SLC9A9: variants seen among roughly 807,000 people sequenced by gnomAD.
SLC9A9 encodes the protein solute carrier family 9 member A9.
In SLC9A9, 62 loss-of-function variants were observed where a neutral mutation model predicts 77.8. The observed-to-expected ratio is 0.80, with a 90% CI of 0.65 to 0.98. The LOEUF (loss-of-function observed/expected upper bound fraction) is 0.98. SLC9A9 is among the 50% of genes least tolerant of loss of function. The pLI, the probability that SLC9A9 is intolerant of heterozygous loss-of-function variation, is 0.00. For missense variants in SLC9A9, 775 were observed against 774.9 expected, an observed-to-expected ratio of 1.00 and a Z score of 0.00; for synonymous variants, 320 against 283.5, an observed-to-expected ratio of 1.13 and a Z score of -1.29.
At chr3:143,698,689 C>A (rs1410205809) in intron 4 of SLC9A9, among the ~76,000 whole-genome samples, 3 of 151,550 alleles carry the variant, frequency 2.0e-5, no homozygotes, top group Non-Finnish European at 4.4e-5. Flanking sequence ...AAGGAATCCT[C>A]CTCCTCCTCC....
At chr3:143,300,377 G>T (rs1242919495) in intron 14 of SLC9A9, among the ~76,000 whole-genome samples, 1 of 152,176 alleles carries the variant, frequency 6.6e-6, no homozygotes, top group African/African-American at 2.4e-5. Context: ...TTGCCCTCCT[G>T]CCCATTCTGC....
intron 4 of SLC9A9, among the ~76,000 whole-genome samples, chr3:143,766,113 T>C (rs903136970): frequency 5.3e-5 from 8 of 152,200 alleles, no homozygotes; most frequent in African/African-American, 1.9e-4. Flanking sequence ...TGTCTTAAGC[T>C]ACTGAGTTCT....
chr3:143,331,864 T>G (rs2031782106), intron 14 of SLC9A9, among the ~76,000 whole-genome samples: 1 of 152,054 alleles, frequency 6.6e-6, no homozygotes, highest in South Asian at 2.1e-4. Flanking sequence ...CTCTGCAGCT[T>G]AGAGGTGGAG....
intron 7 of SLC9A9, 112 bp from the exon 8 acceptor site, chr3:143,574,305 C>T: frequency 1.1e-6 from 1 of 882,214 alleles, no homozygotes. Context: ...AGTAAAAGAA[C>T]TGATATTCAG....
Position 143,392,889 on chromosome 3 carries a change from A to G in SLC9A9, c.1470-10775T>C, listed in dbSNP as rs553167256. Among the ~76,000 whole-genome samples the G allele has an allele frequency of 5.3e-5, 8 of 152,364 alleles. No individual in the cohort carries two copies. The East Asian group carries it at 1.5e-3, about 29-fold the overall frequency. ...TAATGGTAAAGGGATCAATTCAACA[A>G]CAAGAGCTAACTATCCTAAATATGC... On this transcript the variant is annotated intron_variant, in intron 12 of 15. Coordinates refer to ENST00000316549, the MANE Select transcript of SLC9A9 (RefSeq NM_173653.4).
At chr3:143,565,334 A>G (rs1331392480) in intron 8 of SLC9A9, among the ~76,000 whole-genome samples, 1 of 152,158 alleles carries the variant, frequency 6.6e-6, no homozygotes, top group Non-Finnish European at 1.5e-5. Flanking sequence ...TCTTCTGACA[A>G]TTTTCTACAT....
chr3:143,442,501 C>T (rs1005525527), intron 12 of SLC9A9, among the ~76,000 whole-genome samples: 2 of 152,078 alleles, frequency 1.3e-5, no homozygotes, highest in Non-Finnish European at 2.9e-5. Flanking sequence ...GCGGGTAGAT[C>T]ACCTGAGGTA....
intron 13 of SLC9A9, among the ~76,000 whole-genome samples, chr3:143,366,335 A>G: frequency 6.6e-6 from 1 of 152,188 alleles, no homozygotes; most frequent in East Asian, 1.9e-4. Context: ...GCACATAGGG[A>G]TTTTAGAGAG....
rs556150355 is a variant in SLC9A9 at position 143,369,903 on chromosome 3, T to C, written c.1525-6340A>G. Among the ~76,000 whole-genome samples, 8 of 152,304 alleles carry C rather than the reference T, an allele frequency of 5.3e-5. No homozygotes were observed. The South Asian group carries it at 8.3e-4, about 16-fold the overall frequency. ...TCAAGAAGCTCTGTGGAGAGATCCA[T>C]GTGGAAAGGAATTAAGTATGCCTGC... On this transcript the variant is annotated intron_variant, in intron 13 of 15. Transcript: ENST00000316549.
intron 12 of SLC9A9, among the ~76,000 whole-genome samples, chr3:143,405,997 G>A (rs1204831705): frequency 6.6e-6 from 1 of 152,186 alleles, no homozygotes; most frequent in East Asian, 1.9e-4. Flanking sequence ...TGTCTGCCAA[G>A]CTCTGCACAG....
intron 6 of SLC9A9, chr3:143,626,701 G>T (rs556238389): frequency 6.6e-6 from 1 of 151,912 alleles, no homozygotes; most frequent in African/African-American, 2.4e-5. Context: ...CACCAACATG[G>T]CACATGTATA....
At chr3:143,609,974 A>C (rs1002824741) in intron 6 of SLC9A9, among the ~76,000 whole-genome samples, 1 of 152,280 alleles carries the variant, frequency 6.6e-6, no homozygotes, top group Non-Finnish European at 1.5e-5. Context: ...TTATATTCAA[A>C]ATTCCCATAG....
chr3:143,596,298 GTA>G (rs1491579024), intron 6 of SLC9A9, among the ~76,000 whole-genome samples: 1 of 152,180 alleles, frequency 6.6e-6, no homozygotes, highest in African/African-American at 2.4e-5. Context: ...GTGTGTGTGT[GTA>G]TGTGTGCGTG....
At chr3:143,625,015 T>C (rs1356743500) in intron 6 of SLC9A9, among the ~76,000 whole-genome samples, 6 of 152,252 alleles carry the variant, frequency 3.9e-5, no homozygotes, top group East Asian at 3.9e-4. Context: ...CCATTCACAA[T>C]TGCTTCAAAG....
At chr3:143,351,001 G>A (rs1245458022) in intron 14 of SLC9A9, among the ~76,000 whole-genome samples, 2 of 152,164 alleles carry the variant, frequency 1.3e-5, no homozygotes, top group Non-Finnish European at 2.9e-5. Flanking sequence ...ACAGCTCCCT[G>A]CTCAACTTGC....
rs1357907064 is a variant in SLC9A9 at position 143,390,611 on chromosome 3, G to GTGGGTGCAGGACAC, written c.1470-8498_1470-8497insGTGTCCTGCACCCA. ...CTTGTCGGACAGGGGGTGCAGGACA[G>GTGGGTGCAGGACAC]TGGGTGCAGCACACCGAGTGTGAGC... On this transcript the variant is annotated intron_variant, in intron 12 of 15. Coordinates refer to ENST00000316549, the MANE Select transcript of SLC9A9 (RefSeq NM_173653.4). Among the ~76,000 whole-genome samples the GTGGGTGCAGGACAC allele has an allele frequency of 5.8e-4, 88 of 152,326 alleles. 1 individual carries two copies. Among genetic ancestry groups the GTGGGTGCAGGACAC allele is most frequent in the African/African-American group, 1.9e-3 (81 of 41,574 alleles).
chr3:143,389,398 C>T (rs544475775), intron 12 of SLC9A9, among the ~76,000 whole-genome samples: 43 of 152,180 alleles, frequency 2.8e-4, no homozygotes, highest in East Asian at 1.4e-3. Flanking sequence ...ATACATGAAG[C>T]GGTGGTGAGG....
chr3:143,699,926 C>T (rs1294139831), intron 4 of SLC9A9, among the ~76,000 whole-genome samples: 1 of 151,772 alleles, frequency 6.6e-6, no homozygotes, highest in Admixed American at 6.6e-5. Context: ...AAAGAGATCC[C>T]TTCCTTCTGC....
At chr3:143,488,566 G>C (rs979439656) in intron 11 of SLC9A9, among the ~76,000 whole-genome samples, 1 of 151,924 alleles carries the variant, frequency 6.6e-6, no homozygotes, top group African/African-American at 2.4e-5. Context: ...AGTGAGATTT[G>C]TTCCCGGAAT....
Sources: allele counts gnomAD v4.1 joint callset (sites outside exome capture counted in the v4.1 genomes callset), GRCh38; gene constraint gnomAD v4.1.1; transcripts MANE v1.5; gene names NCBI Gene and HGNC (gene_info 2026-07-23, HGNC 2026-07-21).